Variants in OTOA observed in about 807,000 individuals in gnomAD.
OTOA encodes otoancorin.
A neutral mutation model predicts 110.8 loss-of-function variants in OTOA; 70 were observed. That is an observed-to-expected ratio of 0.63 (90% confidence interval 0.52 to 0.77). OTOA has a LOEUF of 0.77. OTOA is among the 30% of genes least tolerant of loss of function. OTOA has a pLI of 0.00. For synonymous variants in OTOA, 373 were observed against 431.5 expected, an observed-to-expected ratio of 0.86 and a Z score of 1.68; for missense variants, 917 against 1,075.8, an observed-to-expected ratio of 0.85 and a Z score of 2.06.
At chr16:21,665,765 G>A (rs1335193719) in intron 1 of OTOA, among the ~76,000 whole-genome samples, 1 of 152,096 alleles carries the variant, frequency 6.6e-6, no homozygotes, top group Non-Finnish European at 1.5e-5. Context: ...ATTAGTGGCA[G>A]GGCTGGGACA....
intron 3 of OTOA, 36 bp from the exon 4 acceptor site, chr16:21,679,000 G>C: frequency 6.2e-7 from 1 of 1,613,718 alleles, no homozygotes; most frequent in Non-Finnish European, 8.5e-7. Context: ...GCCAACTTTT[G>C]GTTGTTATAC....
At chr16:21,726,005 A>T (rs1898903794) in intron 18 of OTOA, among the ~76,000 whole-genome samples, 1 of 152,134 alleles carries the variant, frequency 6.6e-6, no homozygotes, top group Non-Finnish European at 1.5e-5. Context: ...AGAGTTCTGG[A>T]CTGGAGATGA....
chr16:21,697,715 C>A, intron 9 of OTOA, 60 bp from the exon 10 acceptor site: 2 of 1,399,426 alleles, frequency 1.4e-6, no homozygotes, highest in Non-Finnish European at 2.0e-6. Context: ...CTATCACATA[C>A]CAGTGTAAAG....
intron 19 of OTOA, among the ~76,000 whole-genome samples, chr16:21,727,913 G>A (rs1258534628): frequency 1.3e-5 from 2 of 150,852 alleles, no homozygotes; most frequent in African/African-American, 2.4e-5. Flanking sequence ...CCAGGCTGGA[G>A]TGCAATGGCA....
chr16:21,675,300 C>A (rs1438504811), intron 1 of OTOA, among the ~76,000 whole-genome samples: 1 of 141,220 alleles, frequency 7.1e-6, no homozygotes, highest in Non-Finnish European at 1.5e-5. Context: ...AGCCACCACA[C>A]CTGGCTATTT....
chr16:21,691,219 A>T (rs908469202), intron 8 of OTOA, among the ~76,000 whole-genome samples: 1 of 152,066 alleles, frequency 6.6e-6, no homozygotes. Flanking sequence ...CCATCATTGG[A>T]GGACATTTGG....
At chr16:21,731,221 T>C (rs400128) in intron 21 of OTOA, among the ~76,000 whole-genome samples, 58,335 of 152,050 alleles carry the variant, frequency 0.38, 11,880 homozygotes, top group Middle Eastern at 0.46. Context: ...CACACGCACG[T>C]CTGTTCTGGC....
rs1313294860 is a variant in OTOA at position 21,673,109 on chromosome 16, C to T, written c.-4-5402C>T. Among the ~76,000 whole-genome samples the T allele has an allele frequency of 2.0e-5, 3 of 152,186 alleles. No individual in the cohort carries two copies. In the East Asian group the frequency reaches 5.8e-4, roughly 29 times the overall value. Reference sequence around the variant, plus strand: ...GCTGCAGTGAGCCATGATCATGCCACTGCACTGCAGGCTGGGTGACAGAGA... The same window carrying T: ...GCTGCAGTGAGCCATGATCATGCCATTGCACTGCAGGCTGGGTGACAGAGA... On this transcript the variant is annotated intron_variant, in intron 1 of 28. Coordinates refer to ENST00000646100, the MANE Select transcript of OTOA (RefSeq NM_144672.4).
intron 21 of OTOA, among the ~76,000 whole-genome samples, chr16:21,735,136 GAAAAAAA>G (rs1194921869): frequency 1.4e-5 from 1 of 72,760 alleles, no homozygotes. Context: ...ACAAGACTCT[GAAAAAAA>G]AAAAAAAAAA....
intron 7 of OTOA, 130 bp from the exon 8 acceptor site, chr16:21,687,283 T>C: frequency 1.3e-6 from 1 of 789,558 alleles, no homozygotes; most frequent in Admixed American, 1.9e-5. Context: ...GTTCTAGAAG[T>C]TTCAACATAG....
rs386384450 is a variant in OTOA at position 21,695,891 on chromosome 16, A to ATTTT, written c.740-1868_740-1865dup. Among the ~76,000 whole-genome samples, 324 of 41,860 alleles carry ATTTT rather than the reference A, an allele frequency of 7.7e-3. 7 individuals carry two copies. Among genetic ancestry groups the ATTTT allele is most frequent in the African/African-American group, 0.014 (93 of 6,830 alleles). The allele number at this position is 41,860 out of a possible 152,430, so 27.5% of individuals were successfully genotyped here. On this transcript the variant is annotated intron_variant, in intron 9 of 28. Transcript: ENST00000646100. ...GATATATATATATATATATATATAT[A>ATTTT]TTTTTTTTTTTTTTTTTTTCTGAGA...
At chr16:21,736,695 G>T (rs1483638255) in intron 22 of OTOA, among the ~76,000 whole-genome samples, 1 of 152,062 alleles carries the variant, frequency 6.6e-6, no homozygotes, top group Non-Finnish European at 1.5e-5. Flanking sequence ...GCCGGGTGTG[G>T]TGGTGCATAC....
intron 9 of OTOA, among the ~76,000 whole-genome samples, chr16:21,695,309 G>A (rs1380297353): frequency 2.0e-5 from 3 of 150,480 alleles, no homozygotes; most frequent in Non-Finnish European, 4.4e-5. Context: ...GGAGGCTGAG[G>A]CAGGAGTTTG....
chr16:21,669,307 C>T (rs1966846010), intron 1 of OTOA, among the ~76,000 whole-genome samples: 1 of 152,060 alleles, frequency 6.6e-6, no homozygotes, highest in African/African-American at 2.4e-5. Flanking sequence ...CGTGCCACTG[C>T]ACTCCAGCGT....
chr16:21,710,140 A>T, intron 13 of OTOA, 37 bp downstream of exon 13: 1 of 1,542,654 alleles, frequency 6.5e-7, no homozygotes, highest in Non-Finnish European at 8.8e-7. Flanking sequence ...TATTCCCCTA[A>T]GATGACCTAA....
chr16:21,719,118 A>G lies in OTOA; in HGVS notation c.1630-15A>G, dbSNP rs779435835. 6 of 1,612,624 alleles carry G rather than the reference A, an allele frequency of 3.7e-6. No homozygotes were observed. The African/African-American group carries it at 8.0e-5, about 22-fold the overall frequency. On this transcript the variant is annotated splice_polypyrimidine_tract_variant and intron_variant, in intron 15 of 28. Transcript: ENST00000646100. ...GAGTGTGCCATCAGTGCTAACGATC[A>G]TTCTCTTCTCGCAGGCTCTGTTCCT...
chr16:21,695,891 A>ATATATATATTTTTTTTT (rs569493650), intron 9 of OTOA, among the ~76,000 whole-genome samples: 2 of 41,904 alleles, frequency 4.8e-5, no homozygotes, highest in East Asian at 5.9e-4. Context: ...ATATATATAT[A>ATATATATATTTTTTTTT]TTTTTTTTTT....
chr16:21,665,753 C>G (rs1467492173), intron 1 of OTOA, among the ~76,000 whole-genome samples: 1 of 152,056 alleles, frequency 6.6e-6, no homozygotes, highest in African/African-American at 2.4e-5. Context: ...TAAAATCTCA[C>G]TATTAGTGGC....
intron 22 of OTOA, among the ~76,000 whole-genome samples, chr16:21,736,824 G>C (rs566434200): frequency 6.6e-4 from 100 of 152,282 alleles, no homozygotes; most frequent in African/African-American, 2.3e-3. Context: ...GCGAGACTCT[G>C]TCTCAAAAAA....
Sources: gnomAD v4.1 joint callset for allele counts (sites outside exome capture counted in the v4.1 genomes callset) on GRCh38, gnomAD v4.1.1 for gene constraint, MANE v1.5 for transcripts, NCBI Gene and HGNC (gene_info 2026-07-23, HGNC 2026-07-21) for gene names.